The following PATZ1 variants were observed in gnomAD, a reference collection of about 807,000 sequenced individuals.
PATZ1 encodes the protein POZ-, AT hook-, and zinc finger-containing protein 1.
PATZ1 carries 9 observed loss-of-function variants against 46.2 expected under a neutral mutation model. That is an observed-to-expected ratio of 0.19 (90% CI 0.12 to 0.34). PATZ1 has a LOEUF of 0.34. Among genes scored for constraint, PATZ1 ranks in the 10% least tolerant of loss-of-function variants. The pLI, the probability that PATZ1 is intolerant of heterozygous loss-of-function variation, is 1.00. For missense variants in PATZ1, 632 were observed against 923.0 expected, an observed-to-expected ratio of 0.68 and a Z score of 4.08; for synonymous variants, 426 against 378.6, an observed-to-expected ratio of 1.13 and a Z score of -1.45.
chr22:31,334,264 G>A (rs536076708), intron 3 of PATZ1, among the ~76,000 whole-genome samples: 103 of 152,306 alleles, frequency 6.8e-4, no homozygotes, highest in South Asian at 3.5e-3. Flanking sequence ...CAAGCCCACC[G>A]CTTGCAACCT....
Position 31,345,723 on chromosome 22 carries a change from CTCTGTAGTCTCGCAGGTGCGCCGAGTGT to C in PATZ1, c.-149_-122del. The C allele has an allele frequency of 9.8e-7, 1 of 1,016,972 alleles. No individual in the cohort carries two copies. 63.0% of individuals were successfully genotyped at this position (1,016,972 alleles called of 1,614,324 possible). ...ACTCCCCACACGTGCCGGCCCGAGG[CTCTGTAGTCTCGCAGGTGCGCCGAGTGT>C]ACACGCCCCCAGCCCGGATCAGACT... On this transcript the variant is annotated 5_prime_UTR_variant, in exon 1 of 5. Transcript: ENST00000266269. This position sits in a 1 kb window ranked among gnomAD's most constrained non-coding sequence, Gnocchi z 7.4.
intron 2 of PATZ1, among the ~76,000 whole-genome samples, chr22:31,341,948 T>C (rs1001092996): frequency 6.6e-6 from 1 of 152,218 alleles, no homozygotes; most frequent in Non-Finnish European, 1.5e-5. Context: ...CCAGGGGCTC[T>C]GCCCTACTTA....
rs2049638614 is a variant in PATZ1 at position 31,345,321 on chromosome 22, T to C, written c.282A>G (p.Pro94=). The C allele has an allele frequency of 6.2e-7, 1 of 1,610,500 alleles. No homozygotes were observed. Among genetic ancestry groups the C allele is most frequent in the Admixed American group, 1.7e-5 (1 of 59,834 alleles). ...CCCGGCTGCCCCCGGCCCCGCCGCC[T>C]GGTGCTGCCGTCGCGCCCCCTACAT... ...PADVGGATAA[P]GGGAGGSREL... The change falls in exon 1 of 5, where the codon CCA becomes CCG. Residue 94 remains proline, a synonymous_variant. Coordinates refer to ENST00000266269, the MANE Select transcript of PATZ1 (RefSeq NM_014323.3). This position sits in a 1 kb window ranked among gnomAD's most constrained non-coding sequence, Gnocchi z 7.4.
chr22:31,344,772 G>A lies in PATZ1; in HGVS notation c.831C>T (p.Asp277=), dbSNP rs1023157812. 2 of 1,609,626 alleles carry A rather than the reference G, an allele frequency of 1.2e-6. No individual in the cohort carries two copies. Among genetic ancestry groups the A allele is most frequent in the African/African-American group, 1.3e-5 (1 of 74,886 alleles). ...RGRPRKANLL[D]SMFGSPGGLR... ...GGCCCCCTGGGGACCCAAACATTGA[G>A]TCCAGCAGGTTGGCCTTCCTTGGGC... is the stretch of plus-strand genomic sequence containing the variant. The change falls in exon 1 of 5, where the codon GAC becomes GAT. Residue 277 remains aspartate (D), a synonymous_variant. Coordinates refer to ENST00000266269, the MANE Select transcript of PATZ1 (RefSeq NM_014323.3).
rs2049380815 is a variant in PATZ1, at chr22:31,327,331, G to A, written c.1646-22C>T. On this transcript the variant is annotated intron_variant, in intron 4 of 4. Transcript: ENST00000266269. This position sits in a 1 kb window ranked among gnomAD's most constrained non-coding sequence, Gnocchi z 4.2. ...CCTTCTACGAAAAAACAAAATATAG[G>A]AGAGCGATGAGGCCAGGCTCTGGAG... 1 of 1,600,518 alleles carries A rather than the reference G, an allele frequency of 6.2e-7. No homozygotes were observed. The highest frequency in any genetic ancestry group is 8.5e-7 in the Non-Finnish European group (1 of 1,171,900).
intron 2 of PATZ1, among the ~76,000 whole-genome samples, chr22:31,336,423 G>A (rs948243892): frequency 2.6e-5 from 4 of 152,136 alleles, no homozygotes; most frequent in African/African-American, 4.8e-5. Flanking sequence ...ATATTTTCAC[G>A]AGTTTGAATT....
intron 2 of PATZ1, chr22:31,341,735 C>A: frequency 6.5e-7 from 1 of 1,526,724 alleles, no homozygotes; most frequent in Middle Eastern, 1.8e-4. Flanking sequence ...CCGGGCTTGC[C>A]CCCACTGCCC....
Position 31,344,746 on chromosome 22 carries a change from A to G in PATZ1, c.857T>C (p.Leu286Pro), listed in dbSNP as rs1478318860. 1 of 1,610,090 alleles carries G rather than the reference A, an allele frequency of 6.2e-7. No individual in the cohort carries two copies. Among genetic ancestry groups the G allele is most frequent in the African/African-American group, 1.3e-5 (1 of 74,998 alleles). ...GCATGGAAGGATGCCTGCCTCCCTCAGGCCCCCTGGGGACCCAAACATTGA... is the reference window on the plus strand; with the variant it reads ...GCATGGAAGGATGCCTGCCTCCCTCGGGCCCCCTGGGGACCCAAACATTGA... Reference protein sequence around the residue: ...LDSMFGSPGGLREAGILPCGL... With the variant: ...LDSMFGSPGGPREAGILPCGL... The change falls in exon 1 of 5, where the codon CTG becomes CCG. Residue 286 changes from leucine (L) to proline (P), a missense_variant. By Grantham distance (98) the Leu-to-Pro change is moderately conservative. Transcript: ENST00000266269.
At chr22:31,344,037 G>A (rs1018127509) in intron 1 of PATZ1, among the ~76,000 whole-genome samples, 1 of 152,168 alleles carries the variant, frequency 6.6e-6, no homozygotes, top group Non-Finnish European at 1.5e-5. Flanking sequence ...GAAACACAAA[G>A]GGAGCCCTGG....
chr22:31,344,298 T>C, intron 1 of PATZ1, 34 bp downstream of exon 1: 1 of 1,547,754 alleles, frequency 6.5e-7, no homozygotes, highest in Non-Finnish European at 8.7e-7. Context: ...TAAGATAACG[T>C]GTGGCAGGGG....
At chr22:31,341,637 G>C (rs771801442) in intron 2 of PATZ1, 8 of 1,614,028 alleles carry the variant, frequency 5.0e-6, no homozygotes, top group Non-Finnish European at 6.8e-6. Flanking sequence ...CAGGTCGCTA[G>C]GAAGAGGTTC....
chr22:31,335,193 C>T (rs1367829484), intron 3 of PATZ1, among the ~76,000 whole-genome samples: 1 of 152,240 alleles, frequency 6.6e-6, no homozygotes, highest in Non-Finnish European at 1.5e-5. Flanking sequence ...AGTTTGGGCT[C>T]TCTTCTGACT....
At chr22:31,341,152 G>T (rs748419541) in intron 2 of PATZ1, 47 of 1,202,234 alleles carry the variant, frequency 3.9e-5, no homozygotes, top group Non-Finnish European at 4.9e-5. Flanking sequence ...ATGCCCAGGG[G>T]TGCCATCTGT....
At chr22:31,341,238 T>C in intron 2 of PATZ1, 1 of 1,378,452 alleles carries the variant, frequency 7.3e-7, no homozygotes, top group Non-Finnish European at 9.3e-7. Context: ...TGCTCCTTGC[T>C]ACCCCCATTT....
Position 31,344,487 on chromosome 22 carries a change from C to T in PATZ1, c.1116G>A (p.Arg372=), listed in dbSNP as rs751106943. ...KIFRDVYHLN[R]HKLSHSGEKP... is the part of the protein sequence containing the mutation. ...TCTCCCCAGAGTGGGACAGCTTGTG[C>T]CGGTTAAGATGATACACATCACGGA... Residue 372 remains arginine (R), a synonymous_variant, in exon 1 of 5, where the codon CGG becomes CGA. Transcript: ENST00000266269. 6.2e-6 allele frequency: 10 copies of T among 1,614,246 alleles called. No individual in the cohort carries two copies. Among genetic ancestry groups the T allele is most frequent in the African/African-American group, 4.0e-5 (3 of 75,064 alleles).
intron 1 of PATZ1, 25 bp downstream of exon 1, chr22:31,344,307 G>A: frequency 5.1e-6 from 8 of 1,559,088 alleles, no homozygotes; most frequent in Non-Finnish European, 6.1e-6. Flanking sequence ...GTGTGGCAGG[G>A]GAGGAAGAGG....
Position 31,327,034 on chromosome 22 carries a change from G to A in PATZ1, c.1921C>T (p.Pro641Ser). ...ALGGPLGDLG[P>S]ALGSPFSPQQ... ...GGAGAGAAAGGTGAGCCAAGGGCAGGGCCCAGGTCCCCCAGGGGGCCCCCG... is the reference window on the plus strand; with the variant it reads ...GGAGAGAAAGGTGAGCCAAGGGCAGAGCCCAGGTCCCCCAGGGGGCCCCCG... Residue 641 changes from proline (P) to serine (S), a missense_variant, in exon 5 of 5, where the codon CCT (proline) becomes TCT (serine). Transcript: ENST00000266269. The surrounding 1 kb of genome is among the most constrained non-coding windows in gnomAD (Gnocchi z 4.2). The A allele has an allele frequency of 6.2e-7, 1 of 1,614,236 alleles. No individual in the cohort carries two copies. The highest frequency in any genetic ancestry group is 8.5e-7 in the Non-Finnish European group (1 of 1,180,042).
chr22:31,339,568 G>A (rs1296117852), intron 2 of PATZ1, among the ~76,000 whole-genome samples: 1 of 152,228 alleles, frequency 6.6e-6, no homozygotes, highest in African/African-American at 2.4e-5. Context: ...TTGTCCTAGA[G>A]ACAGGGAGAA....
At chr22:31,333,163 C>T (rs1160141640) in intron 3 of PATZ1, among the ~76,000 whole-genome samples, 1 of 152,186 alleles carries the variant, frequency 6.6e-6, no homozygotes, top group Non-Finnish European at 1.5e-5. Context: ...CCATTCTTCA[C>T]AGCCAGGAGT....
Sources: gnomAD v4.1 joint callset for allele counts (sites outside exome capture counted in the v4.1 genomes callset) on GRCh38, gnomAD v4.1.1 for gene constraint, Gnocchi (gnomAD v3.1) non-coding constraint, MANE v1.5 for transcripts, NCBI Gene and HGNC (gene_info 2026-07-23, HGNC 2026-07-21) for gene names.